The following DCLK2 variants were observed in gnomAD, a reference collection of about 807,000 sequenced individuals.
The protein encoded by DCLK2 is doublecortin like kinase 2, also known as serine/threonine-protein kinase DCLK2.
A neutral mutation model predicts 78.4 loss-of-function variants in DCLK2; 31 were observed. The ratio of observed to expected loss-of-function variants is 0.40; its 90% CI spans 0.30 to 0.53. The LOEUF (loss-of-function observed/expected upper bound fraction) is 0.53, where lower values mean the gene tolerates loss of function less well. Among genes scored for constraint, DCLK2 ranks in the 20% least tolerant of loss-of-function variants. DCLK2 has a pLI of 0.61. For missense variants in DCLK2, 872 were observed against 973.7 expected, an observed-to-expected ratio of 0.90 and a Z score of 1.39; for synonymous variants, 407 against 374.9, an observed-to-expected ratio of 1.09 and a Z score of -0.99.
chr4:150,132,365 T>A (rs1157275691), intron 2 of DCLK2, among the ~76,000 whole-genome samples: 1 of 152,210 alleles, frequency 6.6e-6, no homozygotes, highest in Non-Finnish European at 1.5e-5. Flanking sequence ...GGACTGTGAA[T>A]CAAAGTATGC....
chr4:150,158,286 C>T (rs907946236), intron 2 of DCLK2, among the ~76,000 whole-genome samples: 3 of 152,162 alleles, frequency 2.0e-5, no homozygotes, highest in African/African-American at 7.2e-5. Flanking sequence ...TTATGGCCTA[C>T]TCATATGACC....
At chr4:150,190,846 G>A (rs1339960146) in intron 2 of DCLK2, among the ~76,000 whole-genome samples, 1 of 152,144 alleles carries the variant, frequency 6.6e-6, no homozygotes, top group Non-Finnish European at 1.5e-5. Flanking sequence ...AACACCAGCA[G>A]TTTGGGAGAC....
At chr4:150,131,971 G>C (rs1345420144) in intron 2 of DCLK2, among the ~76,000 whole-genome samples, 1 of 152,112 alleles carries the variant, frequency 6.6e-6, no homozygotes, top group Non-Finnish European at 1.5e-5. Context: ...ATTCAAGACA[G>C]CAACAGTATG....
intron 10 of DCLK2, among the ~76,000 whole-genome samples, chr4:150,234,542 C>T (rs1302816351): frequency 6.6e-6 from 1 of 152,212 alleles, no homozygotes. Context: ...TGCATTGATG[C>T]ACAGCATCTG....
At chr4:150,229,123 T>G (rs942112633) in intron 8 of DCLK2, among the ~76,000 whole-genome samples, 14 of 152,160 alleles carry the variant, frequency 9.2e-5, no homozygotes, top group Admixed American at 2.0e-4. Flanking sequence ...GAGGATTCCT[T>G]GAGCCCAGGA....
chr4:150,210,209 C>T (rs1220786104), intron 5 of DCLK2, among the ~76,000 whole-genome samples: 1 of 152,190 alleles, frequency 6.6e-6, no homozygotes, highest in Non-Finnish European at 1.5e-5. Context: ...ATAGGACCTA[C>T]CGCACAGGAT....
chr4:150,148,382 T>C (rs1230975426), intron 2 of DCLK2, among the ~76,000 whole-genome samples: 2 of 67,128 alleles, frequency 3.0e-5, no homozygotes, highest in African/African-American at 1.1e-4. Context: ...AATTCATGTC[T>C]TTTTTTTTTT....
intron 7 of DCLK2, among the ~76,000 whole-genome samples, chr4:150,222,776 G>C (rs1741290565): frequency 6.6e-6 from 1 of 151,608 alleles, no homozygotes; most frequent in Non-Finnish European, 1.5e-5. Flanking sequence ...TGAGGCACGA[G>C]AATCACTTGA....
At chr4:150,232,481 G>C (rs902824420) in intron 9 of DCLK2, 25 bp downstream of exon 9, 9 of 1,610,524 alleles carry the variant, frequency 5.6e-6, no homozygotes, top group South Asian at 1.1e-5. Context: ...AGATTTTCTT[G>C]GTGCCTAGTC....
intron 15 of DCLK2, among the ~76,000 whole-genome samples, chr4:150,254,908 C>T (rs1053346647): frequency 6.6e-5 from 10 of 152,070 alleles, no homozygotes; most frequent in Non-Finnish European, 4.4e-5. Context: ...AAACTCCTGA[C>T]CTCAAGTGAT....
At chr4:150,199,426 A>G (rs554919194) in intron 4 of DCLK2, among the ~76,000 whole-genome samples, 1 of 152,332 alleles carries the variant, frequency 6.6e-6, no homozygotes, top group East Asian at 1.9e-4. Context: ...TAGCCATAGA[A>G]GCAATTTTGA....
intron 2 of DCLK2, among the ~76,000 whole-genome samples, chr4:150,141,013 C>G (rs1186186215): frequency 6.6e-6 from 1 of 152,194 alleles, no homozygotes; most frequent in African/African-American, 2.4e-5. Flanking sequence ...GGAGATTCAT[C>G]TAATCCGCTG....
rs983300691 is a variant in DCLK2, at chr4:150,078,928, G to T, written c.-100G>T. The T allele has an allele frequency of 5.1e-6, 7 of 1,374,880 alleles. No homozygotes were observed. The highest frequency in any genetic ancestry group is 6.7e-6 in the Non-Finnish European group (7 of 1,051,218). The allele number at this position is 1,374,880 out of a possible 1,614,324, so 85.2% of individuals were successfully genotyped here. On this transcript the variant is annotated 5_prime_UTR_variant, in exon 1 of 16. Coordinates refer to ENST00000296550, the MANE Select transcript of DCLK2 (RefSeq NM_001040260.4). ...GCGGGATGCCAGAGCCAGGTGTCCC[G>T]GCGCGTTAAGGGCCCTCGCAGTCAG...
chr4:150,162,794 C>T (rs960919817), intron 2 of DCLK2, among the ~76,000 whole-genome samples: 1 of 152,078 alleles, frequency 6.6e-6, no homozygotes, highest in Non-Finnish European at 1.5e-5. Flanking sequence ...TAAAGGCCTT[C>T]CTTGCTGTAC....
intron 5 of DCLK2, among the ~76,000 whole-genome samples, chr4:150,217,623 T>G (rs746269157): frequency 6.6e-5 from 10 of 152,340 alleles, no homozygotes; most frequent in Non-Finnish European, 8.8e-5. Context: ...ATGATGTGTC[T>G]TCATCTTCTT....
intron 1 of DCLK2, among the ~76,000 whole-genome samples, chr4:150,098,361 G>A (rs1237205616): frequency 1.3e-5 from 2 of 152,156 alleles, no homozygotes; most frequent in African/African-American, 2.4e-5. Flanking sequence ...GTGAGATTAT[G>A]TCTAACAGAA....
rs1339714407 is a variant in DCLK2 at position 150,078,772 on chromosome 4, G to C, written c.-256G>C. 1 of 346,184 alleles carries C rather than the reference G, an allele frequency of 2.9e-6. No homozygotes were observed. The highest frequency in any genetic ancestry group is 5.1e-6 in the Non-Finnish European group (1 of 195,410). 21.4% of individuals were successfully genotyped at this position (346,184 alleles called of 1,614,324 possible). ...CGCTTGCGGGGGCGTGGGGCTCCCC[G>C]GCAGGCGGGAGGCACGGAGCAAGTC... On this transcript the variant is annotated 5_prime_UTR_variant, in exon 1 of 16. Transcript: ENST00000296550.
intron 1 of DCLK2, among the ~76,000 whole-genome samples, chr4:150,082,925 T>C (rs1307029007): frequency 6.6e-6 from 1 of 152,194 alleles, no homozygotes; most frequent in Admixed American, 6.5e-5. Context: ...CCAAGGACAG[T>C]AGAAAAAGTG....
chr4:150,227,720 A>G (rs1010978221), intron 8 of DCLK2, among the ~76,000 whole-genome samples: 2 of 152,228 alleles, frequency 1.3e-5, no homozygotes, highest in African/African-American at 2.4e-5. Context: ...ATAAATATCT[A>G]TTGAATTCCC....
Sources: allele counts gnomAD v4.1 joint callset (sites outside exome capture counted in the v4.1 genomes callset), GRCh38; gene constraint gnomAD v4.1.1; transcripts MANE v1.5; gene names NCBI Gene and HGNC (gene_info 2026-07-23, HGNC 2026-07-21).